Variants in HPGDS observed in about 807,000 individuals in gnomAD.
HPGDS encodes GST class-sigma.
In HPGDS, 26 loss-of-function variants were observed where a neutral mutation model predicts 23.1. That is an observed-to-expected ratio of 1.13 (90% confidence interval 0.83 to 1.56). The LOEUF (loss-of-function observed/expected upper bound fraction) is 1.56. Ranked by LOEUF, HPGDS falls within the 40% of genes most tolerant of loss-of-function variation. HPGDS has a pLI of 0.00. For synonymous variants in HPGDS, 95 were observed against 77.9 expected, an observed-to-expected ratio of 1.22 and a Z score of -1.16; for missense variants, 268 against 236.4, an observed-to-expected ratio of 1.13 and a Z score of -0.88.
At chr4:94,301,880 C>A (rs1010083735) in intron 5 of HPGDS, among the ~76,000 whole-genome samples, 2 of 152,004 alleles carry the variant, frequency 1.3e-5, no homozygotes, top group Admixed American at 6.6e-5. Flanking sequence ...TCTCTATGCA[C>A]CTCTTTTGCA....
At chr4:94,331,450 G>A (rs991139560) in intron 2 of HPGDS, among the ~76,000 whole-genome samples, 2 of 147,936 alleles carry the variant, frequency 1.4e-5, no homozygotes, top group African/African-American at 4.9e-5. Flanking sequence ...ATTTTTGATT[G>A]CCATTTATGT....
chr4:94,340,311 C>CTTTTTCTTTTTTTTT (rs1560598005), intron 1 of HPGDS, among the ~76,000 whole-genome samples: 3 of 23,686 alleles, frequency 1.3e-4, no homozygotes, highest in African/African-American at 4.4e-4. Context: ...CTTTCTTTCT[C>CTTTTTCTTTTTTTTT]TTTTTTTTTT....
chr4:94,322,559 T>G (rs150002047), intron 2 of HPGDS, among the ~76,000 whole-genome samples: 3,780 of 152,346 alleles, frequency 0.025, 106 homozygotes, highest in African/African-American at 0.075. Context: ...TAGAGGTGTT[T>G]ATAGTATTCT....
chr4:94,321,249 C>G (rs1026793739), intron 2 of HPGDS, among the ~76,000 whole-genome samples: 1 of 152,104 alleles, frequency 6.6e-6, no homozygotes, highest in Non-Finnish European at 1.5e-5. Context: ...AATGCAGGCT[C>G]TTTTTTGGTT....
chr4:94,330,212 G>A (rs903251893), intron 2 of HPGDS, among the ~76,000 whole-genome samples: 2 of 152,192 alleles, frequency 1.3e-5, no homozygotes, highest in African/African-American at 4.8e-5. Flanking sequence ...ATCACAGATG[G>A]TCCAGGGAAG....
At position 94,312,702 on chromosome 4, in the gene HPGDS, T is replaced by C. The variant is rs186024005; in HGVS notation, c.227-3959A>G. Among the ~76,000 whole-genome samples, 839 of 152,252 alleles carry C rather than the reference T, an allele frequency of 5.5e-3. 4 individuals are homozygous for C. Among genetic ancestry groups the C allele is most frequent in the African/African-American group, 0.019 (782 of 41,528 alleles). ...CAATTCCTGGATATCCTTGTTAACTTTCTGTCTCATTGATCTGTCTAATGT... is the reference window on the plus strand; with the variant it reads ...CAATTCCTGGATATCCTTGTTAACTCTCTGTCTCATTGATCTGTCTAATGT... On this transcript the variant is annotated intron_variant, in intron 3 of 5. Transcript: ENST00000295256.
chr4:94,318,733 G>A (rs1161959104), intron 2 of HPGDS, among the ~76,000 whole-genome samples: 1 of 151,994 alleles, frequency 6.6e-6, no homozygotes, highest in African/African-American at 2.4e-5. Context: ...TTTTTTTTGA[G>A]GTGGAGTCTC....
intron 2 of HPGDS, chr4:94,334,156 C>G (rs762887137): frequency 5.2e-5 from 9 of 172,390 alleles, no homozygotes; most frequent in Non-Finnish European, 8.5e-5. Flanking sequence ...TTGCTAGGGT[C>G]GTGAAACTGG....
At chr4:94,336,167 C>T (rs1721006655) in intron 1 of HPGDS, among the ~76,000 whole-genome samples, 1 of 148,484 alleles carries the variant, frequency 6.7e-6, no homozygotes, top group South Asian at 2.1e-4. Context: ...GATCACGCCA[C>T]TGCACTCCAG....
intron 1 of HPGDS, among the ~76,000 whole-genome samples, chr4:94,336,829 C>T (rs1205946284): frequency 6.6e-6 from 1 of 152,108 alleles, no homozygotes; most frequent in Non-Finnish European, 1.5e-5. Context: ...TTATTCTTAT[C>T]CAGGAAAAGC....
intron 4 of HPGDS, among the ~76,000 whole-genome samples, chr4:94,308,257 T>C (rs1473000151): frequency 6.6e-6 from 1 of 152,124 alleles, no homozygotes; most frequent in Admixed American, 6.6e-5. Flanking sequence ...CTTAAAACGT[T>C]TTGGAGTTTG....
At chr4:94,338,539 T>C (rs954061521) in intron 1 of HPGDS, among the ~76,000 whole-genome samples, 1 of 151,916 alleles carries the variant, frequency 6.6e-6, no homozygotes, top group African/African-American at 2.4e-5. Context: ...CTTAGCAAAA[T>C]GAAAAAACAA....
intron 4 of HPGDS, among the ~76,000 whole-genome samples, chr4:94,307,888 A>T (rs2016483): frequency 0.53 from 80,511 of 151,992 alleles, 21,740 homozygotes; most frequent in East Asian, 0.7. Context: ...TCACAGGATA[A>T]TTAACCAAAA....
intron 2 of HPGDS, among the ~76,000 whole-genome samples, chr4:94,322,893 G>A (rs1756546167): frequency 6.6e-6 from 1 of 152,068 alleles, no homozygotes; most frequent in Non-Finnish European, 1.5e-5. Context: ...TTCTCTTGTG[G>A]GCATTTAGTG....
intron 5 of HPGDS, among the ~76,000 whole-genome samples, chr4:94,300,640 G>A (rs550190602): frequency 3.8e-4 from 58 of 152,224 alleles, no homozygotes; most frequent in Non-Finnish European, 6.6e-4. Context: ...TTAGGTGCTG[G>A]AGAGCAAGGT....
In HPGDS at chr4:94,325,474, C is replaced by G. The variant is rs201086243; in HGVS notation, c.134-7509G>C. On this transcript the variant is annotated intron_variant, in intron 2 of 5. Transcript: ENST00000295256. The stretch of plus-strand genomic sequence containing the variant: ...TTCCCAGCCGCTTTGTTTACCTACT[C>G]AAGCCTCAGCCATGGCAGACACCCC... Among the ~76,000 whole-genome samples, 71 of 152,318 alleles carry G rather than the reference C, an allele frequency of 4.7e-4. No individual in the cohort carries two copies. The East Asian group carries it at 0.013, about 27-fold the overall frequency.
intron 3 of HPGDS, among the ~76,000 whole-genome samples, chr4:94,313,328 G>C (rs930629005): frequency 1.3e-5 from 2 of 152,168 alleles, no homozygotes; most frequent in African/African-American, 4.8e-5. Context: ...TGTAGGGCAG[G>C]CCTAATGGTG....
At chr4:94,307,486 G>C (rs1436349951) in intron 4 of HPGDS, among the ~76,000 whole-genome samples, 1 of 152,040 alleles carries the variant, frequency 6.6e-6, no homozygotes. Context: ...TGGAATACTA[G>C]AGGATGTGCC....
Position 94,299,489 on chromosome 4 carries a change from G to C in HPGDS, c.591C>G (p.Thr197=), listed in dbSNP as rs759651538. 6.2e-7 allele frequency: 1 copy of C among 1,612,016 alleles called. No individual in the cohort carries two copies. The highest frequency in any genetic ancestry group is 8.5e-7 in the Non-Finnish European group (1 of 1,178,818). Residue 197 remains threonine (T), a synonymous_variant, in exon 6 of 6, where the codon ACC becomes ACG. Coordinates refer to ENST00000295256, the MANE Select transcript of HPGDS (RefSeq NM_014485.3). ...AGGCAACATGGATCAGCTAGAGTTT[G>C]GTTTGGGGCCTTCGTTTTATCCAGT... The part of the protein sequence containing the change: ...VANWIKRRPQ[T]KL
Sources: gnomAD v4.1 joint callset for allele counts (sites outside exome capture counted in the v4.1 genomes callset) on GRCh38, gnomAD v4.1.1 for gene constraint, MANE v1.5 for transcripts, NCBI Gene and HGNC (gene_info 2026-07-23, HGNC 2026-07-21) for gene names.